HELZ: variants seen among roughly 807,000 people sequenced by gnomAD.
The protein encoded by HELZ is helicase with zinc finger, also known as ATP-dependent RNA helicase with zinc finger domain.
Under a neutral mutation model 218.2 loss-of-function variants are expected in HELZ, and 23 were observed. The ratio of observed to expected loss-of-function variants is 0.11; its 90% confidence interval spans 0.08 to 0.15. The LOEUF is 0.15. Ranked by LOEUF, HELZ falls within the 10% of genes least tolerant of loss-of-function variation. The probability of loss-of-function intolerance (pLI) is 1.00; values close to 1 mark genes in which losing one functional copy is unlikely to be tolerated. For missense variants in HELZ, 1,813 were observed against 2,353.7 expected, an observed-to-expected ratio of 0.77 and a Z score of 4.75; for synonymous variants, 814 against 829.4, an observed-to-expected ratio of 0.98 and a Z score of 0.32.
chr17:67,240,423 A>G (rs747087247), intron 2 of HELZ, among the ~76,000 whole-genome samples: 9 of 152,188 alleles, frequency 5.9e-5, no homozygotes, highest in Non-Finnish European at 1.2e-4. Flanking sequence ...TTTACTTTAC[A>G]TAAGTACTGC....
At chr17:67,236,470 T>C (rs912359590) in intron 3 of HELZ, among the ~76,000 whole-genome samples, 3 of 152,176 alleles carry the variant, frequency 2.0e-5, no homozygotes, top group Non-Finnish European at 2.9e-5. Context: ...TCTACAATGA[T>C]GTAGATTAAA....
In HELZ at chr17:67,071,611, T is replaced by C. The variant is rs1468978503; in HGVS notation, c.*6641A>G. 3 of 152,084 alleles carry C rather than the reference T, an allele frequency of 2.0e-5. No individual in the cohort carries two copies. Among genetic ancestry groups the C allele is most frequent in the Non-Finnish European group, 4.4e-5 (3 of 68,022 alleles). The allele number at this position is 152,084 out of a possible 1,614,324, so 9.4% of individuals were successfully genotyped here. A position where few individuals can be genotyped will look rare whatever the true frequency, so the allele number is the denominator to read the frequency against. On this transcript the variant is annotated 3_prime_UTR_variant, in exon 33 of 33. Transcript: ENST00000358691. ...TTTGTCTTTCTAGTAGCTCAGTAAA[T>C]TCAAAGGCAAACTAAAAACCAGAAG...
intron 9 of HELZ, among the ~76,000 whole-genome samples, chr17:67,192,953 A>T (rs755257731): frequency 1.5e-4 from 23 of 152,376 alleles, no homozygotes; most frequent in Admixed American, 5.9e-4. Context: ...CAGAAAGGTT[A>T]AAACAATTTA....
At chr17:67,083,589 T>C (rs995281419) in intron 32 of HELZ, among the ~76,000 whole-genome samples, 13 of 152,110 alleles carry the variant, frequency 8.5e-5, no homozygotes, top group Admixed American at 4.6e-4. Flanking sequence ...GATGGTGCCA[T>C]TGCACTCCAG....
chr17:67,235,537 C>T (rs2041156186), intron 3 of HELZ, among the ~76,000 whole-genome samples: 1 of 151,714 alleles, frequency 6.6e-6, no homozygotes, highest in African/African-American at 2.4e-5. Flanking sequence ...CAACAGAAGC[C>T]AGAACCCACA....
rs113758610 is a variant in HELZ at position 67,172,151 on chromosome 17, T to C, written c.1431-4355A>G. Reference sequence around the variant, plus strand: ...CCCAGCCTTGTCTTACTTCTAAACCTGACAAATCTTACCTGTTTTTCAAAG... The same window carrying C: ...CCCAGCCTTGTCTTACTTCTAAACCCGACAAATCTTACCTGTTTTTCAAAG... On this transcript the variant is annotated intron_variant, in intron 13 of 32. Transcript: ENST00000358691. 1.2e-4 allele frequency among the ~76,000 whole-genome samples: 19 copies of C among 152,260 alleles called. 1 individual carries two copies. The highest frequency in any genetic ancestry group is 3.9e-4 in the African/African-American group (16 of 41,538).
chr17:67,193,984 T>C lies in HELZ; in HGVS notation c.540A>G (p.Glu180=). The C allele has an allele frequency of 6.2e-7, 1 of 1,613,586 alleles. No homozygotes were observed. The highest frequency in any genetic ancestry group is 1.3e-5 in the African/African-American group (1 of 75,042). ...CACATTACCTTTTACACAAAGTATA[T>C]TCCTCGCTGCTTGTGATTCCCCTAG... ...PPPRGITSSE[E]YTLCKRFLEQ... is the part of the protein sequence containing the mutation. Residue 180 remains glutamate, a synonymous_variant, in exon 9 of 33, where the codon GAA becomes GAG. Coordinates refer to ENST00000358691, the MANE Select transcript of HELZ (RefSeq NM_014877.4).
intron 5 of HELZ, among the ~76,000 whole-genome samples, chr17:67,208,912 G>A (rs1249479992): frequency 6.6e-6 from 1 of 150,950 alleles, no homozygotes; most frequent in Non-Finnish European, 1.5e-5. Flanking sequence ...TGGCACTCCA[G>A]CCTGGATGAC....
rs1248890491 is a variant in HELZ, at chr17:67,156,705, T to C, written c.2177+3556A>G. Among the ~76,000 whole-genome samples the C allele has an allele frequency of 2.0e-5, 3 of 152,052 alleles. No individual in the cohort carries two copies. In the East Asian group the frequency reaches 5.8e-4, roughly 29 times the overall value. ...TCTCCCCTAACAATCTCATCTATGC[T>C]CACGCTTCAATCACCACCAATACCC... On this transcript the variant is annotated intron_variant, in intron 17 of 32. Transcript: ENST00000358691.
chr17:67,094,612 C>T (rs2036685859), intron 31 of HELZ, among the ~76,000 whole-genome samples: 1 of 151,976 alleles, frequency 6.6e-6, no homozygotes, highest in African/African-American at 2.4e-5. Context: ...TGTGCAATAG[C>T]ATTGTATGTT....
At chr17:67,220,653 G>A (rs747912212) in intron 3 of HELZ, among the ~76,000 whole-genome samples, 8 of 151,782 alleles carry the variant, frequency 5.3e-5, no homozygotes, top group African/African-American at 9.7e-5. Context: ...CCGCTAAATC[G>A]TTATTTTATT....
intron 3 of HELZ, among the ~76,000 whole-genome samples, chr17:67,234,916 A>C (rs2041137421): frequency 6.6e-6 from 1 of 152,044 alleles, no homozygotes; most frequent in Non-Finnish European, 1.5e-5. Context: ...TCTTCAGTGG[A>C]AGTGTTCCCT....
chr17:67,178,934 G>T lies in HELZ; in HGVS notation c.1163-8C>A. 6.4e-7 allele frequency: 1 copy of T among 1,556,294 alleles called. No homozygotes were observed. The highest frequency in any genetic ancestry group is 8.7e-7 in the Non-Finnish European group (1 of 1,148,676). On this transcript the variant is annotated splice_region_variant and splice_polypyrimidine_tract_variant and intron_variant, in intron 12 of 32. Transcript: ENST00000358691. ...GCATCAGGTATTCGAGATCTAAATG[G>T]AAACAAAAAACACATTTATAAAGAA...
At chr17:67,224,565 C>G (rs1258465923) in intron 3 of HELZ, 3 of 439,614 alleles carry the variant, frequency 6.8e-6, no homozygotes, top group South Asian at 6.4e-5. Context: ...AGTGTATACA[C>G]GATTATTAAT....
chr17:67,096,424 G>A (rs775424446), intron 31 of HELZ, among the ~76,000 whole-genome samples: 4 of 152,182 alleles, frequency 2.6e-5, no homozygotes, highest in Non-Finnish European at 5.9e-5. Context: ...CTCTCTACCT[G>A]AGAAAGTCCT....
intron 23 of HELZ, among the ~76,000 whole-genome samples, chr17:67,134,025 G>A (rs187957038): frequency 2.5e-4 from 38 of 152,224 alleles, no homozygotes; most frequent in Middle Eastern, 3.4e-3. Context: ...AAATTCTTAG[G>A]ATGAAAGCAA....
At chr17:67,102,945 T>G (rs2036975930) in intron 31 of HELZ, among the ~76,000 whole-genome samples, 1 of 152,168 alleles carries the variant, frequency 6.6e-6, no homozygotes, top group African/African-American at 2.4e-5. Flanking sequence ...ACAAAAAGCT[T>G]AAATTCCAAA....
chr17:67,140,762 G>A (rs1417799680), intron 21 of HELZ, among the ~76,000 whole-genome samples: 1 of 152,058 alleles, frequency 6.6e-6, no homozygotes, highest in African/African-American at 2.4e-5. Flanking sequence ...AACACAAGGA[G>A]ACCCACACCC....
At chr17:67,137,480 C>T (rs900961590) in intron 22 of HELZ, among the ~76,000 whole-genome samples, 1 of 152,200 alleles carries the variant, frequency 6.6e-6, no homozygotes, top group East Asian at 1.9e-4. Context: ...TTAGAGTTCA[C>T]ATCAGAGTGT....
Sources: allele counts gnomAD v4.1 joint callset (sites outside exome capture counted in the v4.1 genomes callset), GRCh38; gene constraint gnomAD v4.1.1; transcripts MANE v1.5; gene names NCBI Gene and HGNC (gene_info 2026-07-23, HGNC 2026-07-21).